The following NUP54 variants were observed in gnomAD, a reference collection of about 807,000 sequenced individuals.
NUP54 encodes the protein nucleoporin 54, also known as nucleoporin p54.
In NUP54, 27 loss-of-function variants were observed where a neutral mutation model predicts 66.4. The observed-to-expected ratio is 0.41, with a 90% CI of 0.30 to 0.56. The LOEUF (loss-of-function observed/expected upper bound fraction) is 0.56. NUP54 is among the 20% of genes least tolerant of loss of function. The pLI, the probability that NUP54 is intolerant of heterozygous loss-of-function variation, is 0.34. For synonymous variants in NUP54, 206 were observed against 210.7 expected (o/e 0.98, Z 0.19); for missense variants, 486 against 596.3 (o/e 0.82, Z 1.93).
intron 1 of NUP54, 66 bp downstream of exon 1, chr4:76,148,242 C>G: frequency 8.8e-7 from 1 of 1,130,372 alleles, no homozygotes. Context: ...CGGAGAGTCT[C>G]GGACAGAGGG....
chr4:76,126,456 A>G (rs1730543222), intron 8 of NUP54, among the ~76,000 whole-genome samples: 1 of 152,226 alleles, frequency 6.6e-6, no homozygotes, highest in Admixed American at 6.5e-5. Context: ...CCATGCTGAA[A>G]GGACAAAATT....
At chr4:76,132,092 T>C (rs999051813) in intron 6 of NUP54, among the ~76,000 whole-genome samples, 6 of 152,186 alleles carry the variant, frequency 3.9e-5, no homozygotes, top group African/African-American at 1.2e-4. Flanking sequence ...GTACCATAAA[T>C]TGACAGTAGT....
At chr4:76,131,346 CA>C in intron 6 of NUP54, 62 bp from the exon 7 acceptor site, 1 of 986,404 alleles carries the variant, frequency 1.0e-6, no homozygotes, top group Non-Finnish European at 1.5e-6. Flanking sequence ...ATGTGTATGA[CA>C]AAGGCTTTCC....
rs1730939600 is a variant in NUP54 at position 76,134,345 on chromosome 4, G to A, written c.540C>T (p.Cys180=). The change falls in exon 5 of 12, where the codon TGC becomes TGT. Residue 180 remains cysteine (C), a synonymous_variant. Transcript: ENST00000264883. The stretch of plus-strand genomic sequence containing the variant: ...CATCTTCATCTTTATTACTGGGCAT[G>A]CAACTATAACCTACTGCCTGTGGAA... ...FCRFKAVGYS[C]MPSNKDEDGL... The A allele has an allele frequency of 1.2e-6, 2 of 1,613,004 alleles. No individual in the cohort carries two copies. The highest frequency in any genetic ancestry group is 3.3e-5 in the Admixed American group (2 of 59,938).
At chr4:76,133,142 C>T (rs1299820661) in intron 5 of NUP54, among the ~76,000 whole-genome samples, 1 of 151,730 alleles carries the variant, frequency 6.6e-6, no homozygotes. Flanking sequence ...AAGCAATCCT[C>T]CCACCTTGAC....
chr4:76,137,961 C>T (rs1731107716), intron 3 of NUP54, among the ~76,000 whole-genome samples: 1 of 152,106 alleles, frequency 6.6e-6, no homozygotes, highest in South Asian at 2.1e-4. Flanking sequence ...AATAGTAATA[C>T]AAATGGTATG....
chr4:76,145,805 T>C, intron 1 of NUP54: 1 of 259,888 alleles, frequency 3.8e-6, no homozygotes, highest in Admixed American at 5.6e-5. Context: ...AATATTGCAA[T>C]ATAGAAAATA....
chr4:76,130,510 T>C (rs1730754916), intron 8 of NUP54, 146 bp downstream of exon 8: 3 of 546,544 alleles, frequency 5.5e-6, no homozygotes, highest in Non-Finnish European at 9.9e-6. Flanking sequence ...ATAAAGAAGG[T>C]AGTTGTATAA....
intron 5 of NUP54, among the ~76,000 whole-genome samples, chr4:76,133,366 C>T (rs558419115): frequency 6.6e-6 from 1 of 151,174 alleles, no homozygotes; most frequent in Admixed American, 6.6e-5. Context: ...AGTTCAGTGG[C>T]TCAATCTTGG....
At position 76,134,160 on chromosome 4, in the gene NUP54, T is replaced by C; in HGVS notation, c.710+15A>G. 6.4e-7 allele frequency: 1 copy of C among 1,557,592 alleles called. No individual in the cohort carries two copies. Among genetic ancestry groups the C allele is most frequent in the Non-Finnish European group, 8.8e-7 (1 of 1,132,486 alleles). The stretch of plus-strand genomic sequence containing the variant: ...TAAATACACAGAAATAAACAGTATA[T>C]TTATGTATACTTACTGATCATCTGG... On this transcript the variant is annotated intron_variant, in intron 5 of 11. Transcript: ENST00000264883.
At chr4:76,140,781 C>A (rs999211733) in intron 3 of NUP54, among the ~76,000 whole-genome samples, 13 of 152,180 alleles carry the variant, frequency 8.5e-5, no homozygotes, top group Admixed American at 8.5e-4. Context: ...ATCCCCTCTT[C>A]CATAATGTGT....
intron 8 of NUP54, among the ~76,000 whole-genome samples, chr4:76,126,887 G>T (rs1274747047): frequency 6.6e-6 from 1 of 151,788 alleles, no homozygotes; most frequent in African/African-American, 2.4e-5. Flanking sequence ...TTTTATGGAA[G>T]AATAAAGACC....
At chr4:76,133,090 C>T (rs1730884381) in intron 5 of NUP54, among the ~76,000 whole-genome samples, 1 of 150,980 alleles carries the variant, frequency 6.6e-6, no homozygotes. Context: ...GAGAGACGGA[C>T]ACTCGCTATG....
chr4:76,131,136 C>T, intron 7 of NUP54, 94 bp downstream of exon 7: 1 of 800,432 alleles, frequency 1.2e-6, no homozygotes, highest in East Asian at 2.5e-5. Context: ...ATAAACTTGT[C>T]TCATATGTAA....
At chr4:76,134,499 C>CTT in intron 4 of NUP54, 137 bp from the exon 5 acceptor site, 1 of 744,540 alleles carries the variant, frequency 1.3e-6, no homozygotes, top group Non-Finnish European at 2.1e-6. Context: ...TGATTCTTCC[C>CTT]ACCATTTTGT....
At chr4:76,123,459 ACTTCCT>A (rs1289280543) in intron 9 of NUP54, among the ~76,000 whole-genome samples, 2 of 151,812 alleles carry the variant, frequency 1.3e-5, no homozygotes, top group Non-Finnish European at 2.9e-5. Flanking sequence ...TCAAAATAAA[ACTTCCT>A]CTGAGTTCCA....
chr4:76,135,831 G>C (rs1026864245), intron 4 of NUP54, among the ~76,000 whole-genome samples: 6 of 152,192 alleles, frequency 3.9e-5, no homozygotes, highest in African/African-American at 1.4e-4. Context: ...GGGAATTTCT[G>C]TCTGCTGGTT....
At position 76,118,574 on chromosome 4, in the gene NUP54, G is replaced by GT. The variant is rs1730066296; in HGVS notation, c.1165-381_1165-380insA. The GT allele has an allele frequency of 5.4e-5, 2 of 37,000 alleles. 1 individual carries two copies. The highest frequency in any genetic ancestry group is 1.0e-4 in the Non-Finnish European group (2 of 19,358). The allele number at this position is 37,000 out of a possible 1,614,324, so 2.3% of individuals were successfully genotyped here. A position where few individuals can be genotyped will look rare whatever the true frequency, so the allele number is the denominator to read the frequency against. On this transcript the variant is annotated intron_variant, in intron 9 of 11. Transcript: ENST00000264883. ...TTTTTTAATTTTTTTGTGGCGGGGT[G>GT]GGGGGGGGGGTCTCACTATGTGGCC...
At chr4:76,143,043 G>A (rs1326959154) in intron 3 of NUP54, among the ~76,000 whole-genome samples, 2 of 151,848 alleles carry the variant, frequency 1.3e-5, no homozygotes, top group Admixed American at 6.6e-5. Flanking sequence ...AATGGATCTA[G>A]GTAATGATCA....
Sources: gnomAD v4.1 joint callset for allele counts (sites outside exome capture counted in the v4.1 genomes callset) on GRCh38, gnomAD v4.1.1 for gene constraint, MANE v1.5 for transcripts, NCBI Gene and HGNC (gene_info 2026-07-23, HGNC 2026-07-21) for gene names.